Variants in CCSER1 observed in about 807,000 individuals in gnomAD.
CCSER1 encodes the protein serine-rich coiled-coil domain-containing protein 1.
A neutral mutation model predicts 82.0 loss-of-function variants in CCSER1; 41 were observed. That is an observed-to-expected ratio of 0.50 (90% confidence interval 0.39 to 0.65). CCSER1 has a LOEUF of 0.65. CCSER1 is among the 30% of genes least tolerant of loss of function. The probability of loss-of-function intolerance (pLI) is 0.00; values close to 1 mark genes in which losing one functional copy is unlikely to be tolerated. For missense variants in CCSER1, 1,119 were observed against 1,064.2 expected, an observed-to-expected ratio of 1.05 and a Z score of -0.72; for synonymous variants, 414 against 383.9, an observed-to-expected ratio of 1.08 and a Z score of -0.92.
intron 10 of CCSER1, among the ~76,000 whole-genome samples, chr4:91,336,477 A>T (rs564197401): frequency 6.6e-6 from 1 of 152,096 alleles, no homozygotes; most frequent in Non-Finnish European, 1.5e-5. Flanking sequence ...ACATTGCTAT[A>T]CTTGGAGGAA....
rs187089154 is a variant in CCSER1 at position 91,376,018 on chromosome 4, G to A, written c.2218-222554G>A. On this transcript the variant is annotated intron_variant, in intron 10 of 10. Coordinates refer to ENST00000509176, the MANE Select transcript of CCSER1 (RefSeq NM_001145065.2). Reference sequence around the variant, plus strand: ...TGGATTAATGTTTTTATAATCTGAAGGAGAGAAAGAACTTTCTAGATAAAC... The same window carrying A: ...TGGATTAATGTTTTTATAATCTGAAAGAGAGAAAGAACTTTCTAGATAAAC... 2.8e-3 allele frequency among the ~76,000 whole-genome samples: 432 copies of A among 152,100 alleles called. 1 individual carries two copies. Among genetic ancestry groups the A allele is most frequent in the African/African-American group, 9.8e-3 (408 of 41,492 alleles).
intron 7 of CCSER1, among the ~76,000 whole-genome samples, chr4:90,750,172 G>A (rs977641599): frequency 6.6e-5 from 10 of 151,626 alleles, no homozygotes; most frequent in East Asian, 3.9e-4. Flanking sequence ...GGTTGAGTTC[G>A]TTGTAGATTC....
chr4:90,384,247 C>A (rs988101824), intron 3 of CCSER1, among the ~76,000 whole-genome samples: 2 of 151,072 alleles, frequency 1.3e-5, no homozygotes. Context: ...CCCATTAACT[C>A]GTCATTTACA....
chr4:90,337,062 G>T (rs1321718660), intron 3 of CCSER1, among the ~76,000 whole-genome samples: 1 of 152,134 alleles, frequency 6.6e-6, no homozygotes, highest in Non-Finnish European at 1.5e-5. Context: ...AATCAATAAG[G>T]CCTGAATATC....
chr4:90,170,814 ACTGCAATAAACATGGGAGTG>A (rs775511439), intron 1 of CCSER1, among the ~76,000 whole-genome samples: 68 of 151,986 alleles, frequency 4.5e-4, no homozygotes, highest in South Asian at 3.9e-3. Context: ...TGTGAATAGT[ACTGCAATAAACATGGGAGTG>A]CAGATATCTC....
At chr4:90,578,556 G>A (rs541935866) in intron 5 of CCSER1, among the ~76,000 whole-genome samples, 1 of 152,204 alleles carries the variant, frequency 6.6e-6, no homozygotes, top group South Asian at 2.1e-4. Flanking sequence ...GCAAAAAATA[G>A]GTTCAAAGTG....
Position 90,815,676 on chromosome 4 carries a change from C to T in CCSER1, c.2011-86C>T, listed in dbSNP as rs926455886. On this transcript the variant is annotated intron_variant, in intron 7 of 10. Coordinates refer to ENST00000509176, the MANE Select transcript of CCSER1 (RefSeq NM_001145065.2). ...AGTTTCGTTAGTCAGATGCAATTAT[C>T]TCCCACTGTGTGAAGCTGACTTTCC... 2.4e-5 allele frequency: 20 copies of T among 817,830 alleles called. No homozygotes were observed. In the South Asian group the frequency reaches 3.7e-4, roughly 15 times the overall value. The allele number at this position is 817,830 out of a possible 1,614,324, so 50.7% of individuals were successfully genotyped here.
intron 9 of CCSER1, among the ~76,000 whole-genome samples, chr4:91,006,771 G>A (rs954453963): frequency 2.6e-5 from 4 of 151,968 alleles, no homozygotes; most frequent in Non-Finnish European, 5.9e-5. Flanking sequence ...GATTACAGGC[G>A]GCCTTTTATT....
intron 9 of CCSER1, among the ~76,000 whole-genome samples, chr4:90,984,737 A>G (rs1049029998): frequency 6.6e-6 from 1 of 151,818 alleles, no homozygotes; most frequent in African/African-American, 2.4e-5. Context: ...AGAATGCAAA[A>G]GTAAAATAAA....
At chr4:90,436,471 C>T (rs900876357) in intron 4 of CCSER1, among the ~76,000 whole-genome samples, 5 of 152,066 alleles carry the variant, frequency 3.3e-5, no homozygotes, top group South Asian at 2.1e-4. Context: ...TTGAAAATAC[C>T]GCTTGTATTT....
chr4:91,391,674 C>G (rs1046878322), intron 10 of CCSER1, among the ~76,000 whole-genome samples: 1 of 152,098 alleles, frequency 6.6e-6, no homozygotes, highest in Non-Finnish European at 1.5e-5. Flanking sequence ...CTGTTGCTAA[C>G]TTCTTGTTTA....
chr4:90,410,044 A>G (rs1754434022), intron 4 of CCSER1, among the ~76,000 whole-genome samples: 1 of 152,214 alleles, frequency 6.6e-6, no homozygotes, highest in African/African-American at 2.4e-5. Flanking sequence ...AGGCCATTAC[A>G]TAATGGTAAA....
intron 10 of CCSER1, among the ~76,000 whole-genome samples, chr4:91,558,301 G>A (rs1762495875): frequency 6.6e-6 from 1 of 151,600 alleles, no homozygotes; most frequent in South Asian, 2.1e-4. Flanking sequence ...TTAAAAAGCA[G>A]ATGGAGATAA....
chr4:90,347,949 G>C (rs1291780844), intron 3 of CCSER1, among the ~76,000 whole-genome samples: 1 of 152,144 alleles, frequency 6.6e-6, no homozygotes, highest in Non-Finnish European at 1.5e-5. Context: ...AAAAGAACAA[G>C]ATCATGTTCT....
At chr4:91,184,823 T>G (rs1178712839) in intron 10 of CCSER1, among the ~76,000 whole-genome samples, 2 of 152,202 alleles carry the variant, frequency 1.3e-5, no homozygotes, top group African/African-American at 4.8e-5. Context: ...TTTCATGCAT[T>G]GTATGTTGAT....
At chr4:90,196,505 T>C (rs1320217589) in intron 1 of CCSER1, among the ~76,000 whole-genome samples, 2 of 152,042 alleles carry the variant, frequency 1.3e-5, no homozygotes, top group Non-Finnish European at 2.9e-5. Context: ...CCCAGCCTTG[T>C]TTCTTTAATT....
At chr4:90,219,590 G>T (rs1359702676) in intron 1 of CCSER1, among the ~76,000 whole-genome samples, 4 of 152,020 alleles carry the variant, frequency 2.6e-5, no homozygotes, top group Admixed American at 1.3e-4. Context: ...TCTCACTTGT[G>T]AGTTTAATCT....
intron 10 of CCSER1, among the ~76,000 whole-genome samples, chr4:91,165,312 C>G (rs913073654): frequency 7.9e-5 from 12 of 152,286 alleles, no homozygotes; most frequent in Middle Eastern, 6.8e-3. Flanking sequence ...CTGCCTGATC[C>G]TTCCTCTGGA....
intron 3 of CCSER1, among the ~76,000 whole-genome samples, chr4:90,319,102 G>A (rs2153485722): frequency 6.6e-6 from 1 of 152,230 alleles, no homozygotes; most frequent in African/African-American, 2.4e-5. Context: ...TTAAATATAT[G>A]CATAACTTTC....
Sources: allele counts gnomAD v4.1 joint callset (sites outside exome capture counted in the v4.1 genomes callset), GRCh38; gene constraint gnomAD v4.1.1; transcripts MANE v1.5; gene names NCBI Gene and HGNC (gene_info 2026-07-23, HGNC 2026-07-21).